Variants in MRPS11 observed in about 807,000 individuals in gnomAD.
The protein encoded by MRPS11 is small ribosomal subunit protein uS11m.
A neutral mutation model predicts 24.3 loss-of-function variants in MRPS11; 27 were observed. The observed-to-expected ratio is 1.11, with a 90% CI of 0.82 to 1.53. The LOEUF (loss-of-function observed/expected upper bound fraction) is 1.53. MRPS11 is among the 40% of genes most tolerant of loss of function. The pLI, the probability that MRPS11 is intolerant of heterozygous loss-of-function variation, is 0.00. For synonymous variants in MRPS11, 104 were observed against 98.7 expected (o/e 1.05, Z -0.32); for missense variants, 277 against 256.5 (o/e 1.08, Z -0.55).
At chr15:88,476,822 T>C (rs2055831965) in intron 4 of MRPS11, 167 bp from the exon 5 acceptor site, 2 of 628,630 alleles carry the variant, frequency 3.2e-6, no homozygotes, top group Non-Finnish European at 5.6e-6. Flanking sequence ...CTGTGGTCTC[T>C]GCTGGCGCCT....
At position 88,477,137 on chromosome 15, in the gene MRPS11, T is replaced by A; in HGVS notation, c.477+83T>A. 10 of 1,237,680 alleles carry A rather than the reference T, an allele frequency of 8.1e-6. No homozygotes were observed. The highest frequency in any genetic ancestry group is 7.7e-5 in the South Asian group (6 of 78,248). The allele number at this position is 1,237,680 out of a possible 1,614,324, so 76.7% of individuals were successfully genotyped here. On this transcript the variant is annotated intron_variant, in intron 5 of 5. Coordinates refer to ENST00000325844, the MANE Select transcript of MRPS11 (RefSeq NM_022839.5). This position sits in a 1 kb window ranked among gnomAD's most constrained non-coding sequence, Gnocchi z 5.7. The stretch of plus-strand genomic sequence containing the variant: ...GCTTGAGAGCAGAGTACAGGGAGAG[T>A]AGAAAACACCTTTTAGTGGATTTCC...
intron 2 of MRPS11, among the ~76,000 whole-genome samples, chr15:88,471,129 G>T (rs1039028369): frequency 6.6e-6 from 1 of 152,170 alleles, no homozygotes; most frequent in African/African-American, 2.4e-5. Flanking sequence ...GAGGTCATCC[G>T]CTCAGCAATG....
Position 88,472,641 on chromosome 15 carries a change from T to C in MRPS11, c.197T>C (p.Ile66Thr), listed in dbSNP as rs1412345112. Residue 66 changes from isoleucine to threonine, a missense_variant, in exon 3 of 6, where the codon ATT becomes ACT. Transcript: ENST00000325844. ...TCTAATTGCAGCATTTACCCTCCCA[T>C]TCCAGGAGAGGAGAGCTCTCTGAGG... ...SHTKFSIYPP[I>T]PGEESSLRWA... The C allele has an allele frequency of 6.2e-7, 1 of 1,613,794 alleles. No individual in the cohort carries two copies.
chr15:88,472,803 G>A, intron 3 of MRPS11, 78 bp downstream of exon 3: 3 of 1,203,428 alleles, frequency 2.5e-6, no homozygotes, highest in East Asian at 5.0e-5. Flanking sequence ...GCTTGGCCCT[G>A]AATACCCCGG....
Position 88,477,855 on chromosome 15 carries a change from C to T in MRPS11, c.478-17C>T, listed in dbSNP as rs1345878969. ...TCTGGGACCATGTCATTCTACTTTT[C>T]CTTCTGTTCCTTCCAGTCTGCCATG... On this transcript the variant is annotated splice_polypyrimidine_tract_variant and intron_variant, in intron 5 of 5. Coordinates refer to ENST00000325844, the MANE Select transcript of MRPS11 (RefSeq NM_022839.5). The surrounding 1 kb of genome is among the most constrained non-coding windows in gnomAD (Gnocchi z 5.7). The T allele has an allele frequency of 6.2e-7, 1 of 1,609,156 alleles. No individual in the cohort carries two copies. The highest frequency in any genetic ancestry group is 8.5e-7 in the Non-Finnish European group (1 of 1,175,624).
intron 3 of MRPS11, among the ~76,000 whole-genome samples, chr15:88,474,187 A>G (rs2055772360): frequency 6.7e-6 from 1 of 149,284 alleles, no homozygotes. Context: ...ACAAAAAAAT[A>G]AAAAAGAAAA....
At position 88,467,729 on chromosome 15, in the gene MRPS11, G is replaced by A. The variant is rs1434292623; in HGVS notation, c.12G>A (p.Val4=). MQA[V]RNAGSRFLRS... is the part of the protein sequence containing the mutation. ...GGTCAATTCAAGTCATGCAGGCTGT[G>A]AGAAACGCGGGGTCGCGGTTCCTGC... Residue 4 remains valine (V), a synonymous_variant, in exon 1 of 6, where the codon GTG becomes GTA. Coordinates refer to ENST00000325844, the MANE Select transcript of MRPS11 (RefSeq NM_022839.5). 1 of 1,614,156 alleles carries A rather than the reference G, an allele frequency of 6.2e-7. No individual in the cohort carries two copies. Among genetic ancestry groups the A allele is most frequent in the East Asian group, 2.2e-5 (1 of 44,872 alleles).
intron 4 of MRPS11, among the ~76,000 whole-genome samples, chr15:88,476,198 T>C (rs1406197002): frequency 6.6e-6 from 1 of 152,208 alleles, no homozygotes; most frequent in Non-Finnish European, 1.5e-5. Context: ...CTCAGTATTA[T>C]CCACATTTTC....
chr15:88,479,136 C>G lies in MRPS11; in HGVS notation c.*1157C>G, dbSNP rs2085539968. ...AAGTTGATAAGGAACCTGGGTAGTGCTGGCAGTGGGGCACAACTCAGGACC... is the reference window on the plus strand; with the variant it reads ...AAGTTGATAAGGAACCTGGGTAGTGGTGGCAGTGGGGCACAACTCAGGACC... On this transcript the variant is annotated 3_prime_UTR_variant, in exon 6 of 6. Transcript: ENST00000325844. 2 of 152,294 alleles carry G rather than the reference C, an allele frequency of 1.3e-5. No homozygotes were observed. The highest frequency in any genetic ancestry group is 4.1e-4 in the South Asian group (2 of 4,826). 9.4% of individuals were successfully genotyped at this position (152,294 alleles called of 1,614,324 possible). A position where few individuals can be genotyped will look rare whatever the true frequency, so the allele number is the denominator to read the frequency against.
At position 88,475,887 on chromosome 15, in the gene MRPS11, G is replaced by C. The variant is rs1567046249; in HGVS notation, c.411+648G>C. 6.6e-6 allele frequency among the ~76,000 whole-genome samples: 1 copy of C among 152,020 alleles called. No individual in the cohort carries two copies. Among genetic ancestry groups the C allele is most frequent in the African/African-American group, 2.4e-5 (1 of 41,372 alleles). ...CAGGAGAATCACTTGAACCCAGGAG[G>C]TGGAGGTTGCAGTGACTCGAGATCA... On this transcript the variant is annotated intron_variant, in intron 4 of 5. Transcript: ENST00000325844. The surrounding 1 kb of genome is among the most constrained non-coding windows in gnomAD (Gnocchi z 4.1).
chr15:88,471,009 G>T (rs2055687689), intron 2 of MRPS11, among the ~76,000 whole-genome samples: 1 of 152,188 alleles, frequency 6.6e-6, no homozygotes, highest in African/African-American at 2.4e-5. Flanking sequence ...TGTCCTTCAG[G>T]GGCTAATACA....
Position 88,476,976 on chromosome 15 carries a change from T to C in MRPS11, c.412-13T>C. The C allele has an allele frequency of 6.3e-7, 1 of 1,593,324 alleles. No individual in the cohort carries two copies. On this transcript the variant is annotated splice_polypyrimidine_tract_variant and intron_variant, in intron 4 of 5. Coordinates refer to ENST00000325844, the MANE Select transcript of MRPS11 (RefSeq NM_022839.5). ...TCTCTCTCCGGGGCACTAACCACTC[T>C]GCTTCTCTCCAGAGAGCTAAACAAA...
intron 2 of MRPS11, among the ~76,000 whole-genome samples, chr15:88,470,884 GGTT>G (rs1366534869): frequency 6.6e-6 from 1 of 152,152 alleles, no homozygotes; most frequent in Non-Finnish European, 1.5e-5. Flanking sequence ...GGTTTTCGAG[GGTT>G]GTTCTGTTAT....
rs182515010 is a variant in MRPS11 at position 88,473,949 on chromosome 15, G to A, written c.282-1161G>A. Among the ~76,000 whole-genome samples the A allele has an allele frequency of 2.6e-5, 4 of 152,304 alleles. No individual in the cohort carries two copies. The East Asian group carries it at 7.7e-4, about 29-fold the overall frequency. On this transcript the variant is annotated intron_variant, in intron 3 of 5. Coordinates refer to ENST00000325844, the MANE Select transcript of MRPS11 (RefSeq NM_022839.5). ...TCACACCTATAATCCCAGCACTTTG[G>A]GAGGATCACTTGAGGCCAGGAATTT...
chr15:88,475,379 T>C lies in MRPS11; in HGVS notation c.411+140T>C. 1.6e-6 allele frequency: 2 copies of C among 1,273,242 alleles called. No individual in the cohort carries two copies. The highest frequency in any genetic ancestry group is 2.2e-6 in the Non-Finnish European group (2 of 930,052). 78.9% of individuals were successfully genotyped at this position (1,273,242 alleles called of 1,614,324 possible). A position where few individuals can be genotyped will look rare whatever the true frequency, so the allele number is the denominator to read the frequency against. ...CAGCTTTGATGCCCTGATTGGAGCATTGGTTTGAAAAGGTTTAGTGAAAGG... is the reference window on the plus strand; with the variant it reads ...CAGCTTTGATGCCCTGATTGGAGCACTGGTTTGAAAAGGTTTAGTGAAAGG... On this transcript the variant is annotated intron_variant, in intron 4 of 5. Coordinates refer to ENST00000325844, the MANE Select transcript of MRPS11 (RefSeq NM_022839.5). This position sits in a 1 kb window ranked among gnomAD's most constrained non-coding sequence, Gnocchi z 4.1.
At position 88,477,182 on chromosome 15, in the gene MRPS11, G is replaced by A. The variant is rs1032002431; in HGVS notation, c.477+128G>A. 2.6e-5 allele frequency: 23 copies of A among 869,012 alleles called. No individual in the cohort carries two copies. The highest frequency in any genetic ancestry group is 1.1e-4 in the East Asian group (4 of 37,476). 53.8% of individuals were successfully genotyped at this position (869,012 alleles called of 1,614,324 possible). ...ATTTCCATGTTTGCTTGAAGTTCCCGTCTGTTGTTTCTATAATTGACCAAG... is the reference window on the plus strand; with the variant it reads ...ATTTCCATGTTTGCTTGAAGTTCCCATCTGTTGTTTCTATAATTGACCAAG... On this transcript the variant is annotated intron_variant, in intron 5 of 5. Coordinates refer to ENST00000325844, the MANE Select transcript of MRPS11 (RefSeq NM_022839.5). The surrounding 1 kb of genome is among the most constrained non-coding windows in gnomAD (Gnocchi z 5.7).
rs184674386 is a variant in MRPS11, at chr15:88,475,549, T to C, written c.411+310T>C. Among the ~76,000 whole-genome samples the C allele has an allele frequency of 6.6e-5, 10 of 152,346 alleles. No homozygotes were observed. The highest frequency in any genetic ancestry group is 2.4e-4 in the African/African-American group (10 of 41,574). On this transcript the variant is annotated intron_variant, in intron 4 of 5. Coordinates refer to ENST00000325844, the MANE Select transcript of MRPS11 (RefSeq NM_022839.5). This position sits in a 1 kb window ranked among gnomAD's most constrained non-coding sequence, Gnocchi z 4.1. Reference sequence around the variant, plus strand: ...TTAGCCAGGTCTGGTGGCACCTGCCTGTAGTTCCAGCTACTTGGGAGGCTG... The same window carrying C: ...TTAGCCAGGTCTGGTGGCACCTGCCCGTAGTTCCAGCTACTTGGGAGGCTG...
intron 4 of MRPS11, 165 bp from the exon 5 acceptor site, chr15:88,476,824 C>A: frequency 3.2e-6 from 2 of 631,660 alleles, no homozygotes; most frequent in South Asian, 1.9e-5. Flanking sequence ...GTGGTCTCTG[C>A]TGGCGCCTGT....
At chr15:88,470,266 G>T (rs1000348441) in intron 2 of MRPS11, among the ~76,000 whole-genome samples, 14 of 152,136 alleles carry the variant, frequency 9.2e-5, no homozygotes, top group African/African-American at 3.4e-4. Context: ...AGTGAGCCAA[G>T]ATCGTGCCAC....
Sources: gnomAD v4.1 joint callset for allele counts (sites outside exome capture counted in the v4.1 genomes callset) on GRCh38, gnomAD v4.1.1 for gene constraint, Gnocchi (gnomAD v3.1) non-coding constraint, MANE v1.5 for transcripts, NCBI Gene and HGNC (gene_info 2026-07-23, HGNC 2026-07-21) for gene names.